NR1H3: variants seen among roughly 807,000 people sequenced by gnomAD.
NR1H3 encodes the protein nuclear receptor subfamily 1 group H member 3.
In NR1H3, 19 loss-of-function variants were observed where a neutral mutation model predicts 48.1. That is an observed-to-expected ratio of 0.40 (90% CI 0.28 to 0.58). The LOEUF is 0.58. Ranked by LOEUF, NR1H3 falls within the 20% of genes least tolerant of loss-of-function variation. The pLI is 0.50. For missense variants in NR1H3, 486 were observed against 595.9 expected (o/e 0.82, Z 1.92); for synonymous variants, 232 against 227.3 (o/e 1.02, Z -0.19).
At chr11:47,266,306 C>T (rs1366394004) in intron 7 of NR1H3, among the ~76,000 whole-genome samples, 2 of 151,594 alleles carry the variant, frequency 1.3e-5, no homozygotes, top group East Asian at 3.9e-4. Context: ...GCTGGGACTA[C>T]AGGTGTGAAC....
At chr11:47,262,108 G>T in intron 7 of NR1H3, 90 bp downstream of exon 7, 1 of 940,346 alleles carries the variant, frequency 1.1e-6, no homozygotes, top group Non-Finnish European at 1.6e-6. Flanking sequence ...GGCCAGGCGC[G>T]GTGGCTCATG....
upstream of NR1H3, chr11:47,248,846 C>T (rs1276677170): frequency 6.4e-7 from 1 of 1,553,002 alleles, no homozygotes; most frequent in Non-Finnish European, 8.7e-7. Flanking sequence ...CACCTGCAAG[C>T]AGCCGCCCGG....
At chr11:47,249,499 G>A (rs1353513526) in intron 1 of NR1H3, among the ~76,000 whole-genome samples, 1 of 152,180 alleles carries the variant, frequency 6.6e-6, no homozygotes, top group African/African-American at 2.4e-5. Context: ...GAGTTGGGTT[G>A]CACAGGATGT....
At chr11:47,253,422 C>A (rs560876462), upstream of NR1H3, among the ~76,000 whole-genome samples, 1 of 152,334 alleles carries the variant, frequency 6.6e-6, no homozygotes, top group Admixed American at 6.5e-5. Flanking sequence ...TCTGTATCAT[C>A]TCTGAACTCA....
At chr11:47,249,346 G>T (rs945908215) in intron 1 of NR1H3, among the ~76,000 whole-genome samples, 1 of 152,158 alleles carries the variant, frequency 6.6e-6, no homozygotes, top group African/African-American at 2.4e-5. Flanking sequence ...GGTTGCCCCA[G>T]TCTGGCCTAC....
chr11:47,254,591 C>T (rs79957508), upstream of NR1H3, among the ~76,000 whole-genome samples: 3,258 of 151,944 alleles, frequency 0.021, 76 homozygotes, highest in South Asian at 0.11. Flanking sequence ...TGGGAGGGGA[C>T]GACCTTGTGA....
chr11:47,256,875 C>T (rs563865574), upstream of NR1H3, among the ~76,000 whole-genome samples: 107 of 151,634 alleles, frequency 7.1e-4, no homozygotes, highest in Non-Finnish European at 9.6e-4. Context: ...GAACTACAGG[C>T]GCCTGCCACC....
chr11:47,253,307 G>A (rs887254136), upstream of NR1H3, among the ~76,000 whole-genome samples: 3 of 152,152 alleles, frequency 2.0e-5, no homozygotes, highest in African/African-American at 7.2e-5. Flanking sequence ...CCCCTTGCTA[G>A]TAACTATCTC....
chr11:47,256,250 A>G (rs367863750), upstream of NR1H3, among the ~76,000 whole-genome samples: 1 of 151,802 alleles, frequency 6.6e-6, no homozygotes, highest in East Asian at 1.9e-4. Flanking sequence ...CATGTTGGCC[A>G]GGCTGGTCTC....
intron 8 of NR1H3, 74 bp downstream of exon 8, chr11:47,268,100 G>T: frequency 7.8e-7 from 1 of 1,276,806 alleles, no homozygotes; most frequent in South Asian, 1.2e-5. Flanking sequence ...AGGAATCGGT[G>T]GGGGGAGGGG....
intron 7 of NR1H3, among the ~76,000 whole-genome samples, chr11:47,263,657 C>G: frequency 6.9e-6 from 1 of 145,354 alleles, no homozygotes; most frequent in Non-Finnish European, 1.5e-5. Flanking sequence ...GGCTGGAGTG[C>G]AGTGACGCGA....
upstream of NR1H3, among the ~76,000 whole-genome samples, chr11:47,257,225 G>C (rs145451359): frequency 1.3e-3 from 196 of 152,230 alleles, 1 homozygote; most frequent in South Asian, 6.2e-3. Flanking sequence ...CTCAGTAGCT[G>C]CTGGTTGGAG....
chr11:47,260,285 G>T (rs1381368797), intron 3 of NR1H3, 124 bp from the exon 4 acceptor site: 1 of 1,334,428 alleles, frequency 7.5e-7, no homozygotes, highest in African/African-American at 1.5e-5. Flanking sequence ...TCTCATAAAA[G>T]AGAGACTGGA....
chr11:47,249,409 C>G (rs1057432160), intron 1 of NR1H3, among the ~76,000 whole-genome samples: 1 of 152,146 alleles, frequency 6.6e-6, no homozygotes, highest in Admixed American at 6.5e-5. Flanking sequence ...CCTTCCAGTC[C>G]TTTCCCTGTC....
Position 47,268,411 on chromosome 11 carries a change from G to T in NR1H3, c.1197+56G>T, listed in dbSNP as rs138970059. On this transcript the variant is annotated intron_variant, in intron 9 of 9. Coordinates refer to ENST00000441012, the MANE Select transcript of NR1H3 (RefSeq NM_005693.4). ...CTTCCCACACACAGGCCCATTCCCT[G>T]ACATACCTACTTTCCCTTCAAGAAT... 10,369 of 1,593,660 alleles carry T rather than the reference G, an allele frequency of 6.5e-3. 44 individuals are homozygous for T. The highest frequency in any genetic ancestry group is 0.012 in the Middle Eastern group (71 of 6,028).
chr11:47,266,678 G>T (rs1227737057), intron 7 of NR1H3, among the ~76,000 whole-genome samples: 1 of 145,846 alleles, frequency 6.9e-6, no homozygotes, highest in African/African-American at 2.6e-5. Flanking sequence ...GTTTCGCTCT[G>T]TCATCCAGGC....
upstream of NR1H3, chr11:47,248,575 C>T (rs535810231): frequency 6.4e-7 from 1 of 1,551,888 alleles, no homozygotes; most frequent in East Asian, 2.4e-5. Flanking sequence ...CAGTCGTCCC[C>T]TCCTAAACCA....
intron 1 of NR1H3, among the ~76,000 whole-genome samples, chr11:47,251,309 A>T (rs1268398119): frequency 6.6e-6 from 1 of 151,940 alleles, no homozygotes; most frequent in East Asian, 2.0e-4. Flanking sequence ...ACCTTTTCAA[A>T]TTAGTTGGAC....
At chr11:47,263,267 CT>C (rs112370737) in intron 7 of NR1H3, among the ~76,000 whole-genome samples, 41 of 141,830 alleles carry the variant, frequency 2.9e-4, no homozygotes, top group Non-Finnish European at 3.2e-4. Flanking sequence ...ATTTCCCCTA[CT>C]TTTTTTTTTT....
Sources: allele counts gnomAD v4.1 joint callset (sites outside exome capture counted in the v4.1 genomes callset), GRCh38; gene constraint gnomAD v4.1.1; transcripts MANE v1.5; gene names NCBI Gene and HGNC (gene_info 2026-07-23, HGNC 2026-07-21).